HERC2: variants seen among roughly 807,000 people sequenced by gnomAD.
HERC2 encodes HECT and RLD domain containing E3 ubiquitin protein ligase 2.
A neutral mutation model predicts 537.7 loss-of-function variants in HERC2; 102 were observed. That is an observed-to-expected ratio of 0.19 (90% confidence interval 0.16 to 0.22). The LOEUF is 0.22. HERC2 is among the 10% of genes least tolerant of loss of function. The pLI is 1.00. For synonymous variants in HERC2, 2,224 were observed against 2,466.2 expected (o/e 0.90, Z 2.91); for missense variants, 4,236 against 6,198.2 (o/e 0.68, Z 10.63).
chr15:28,259,091 T>C (rs1567083180), intron 16 of HERC2, among the ~76,000 whole-genome samples: 1 of 152,146 alleles, frequency 6.6e-6, no homozygotes, highest in Admixed American at 6.5e-5. Flanking sequence ...AAATCTTTTT[T>C]TTGTTTGTTT....
Position 28,177,001 on chromosome 15 carries a change from C to G in HERC2, c.9381G>C (p.Glu3127Asp). 1 of 1,614,124 alleles carries G rather than the reference C, an allele frequency of 6.2e-7. No individual in the cohort carries two copies. The highest frequency in any genetic ancestry group is 8.5e-7 in the Non-Finnish European group (1 of 1,179,988). The change falls in exon 61 of 93, where the codon GAG becomes GAC. Residue 3127 changes from glutamate (E) to aspartate (D), a missense_variant. This residue lies in a region of HERC2 where 606 missense variants were observed against 884.5 expected (regional missense o/e 0.69). Transcript: ENST00000261609. This position sits in a 1 kb window ranked among gnomAD's most constrained non-coding sequence, Gnocchi z 5.0. ...SGELYTWGLG[E>D]YGRLGHGDNT... ...TATCCCCATGTCCCAGCCGGCCGTA[C>G]TCGCCGAGGCCCCAGGTGTACAGTT...
chr15:28,295,089 G>A (rs1377996371), intron 3 of HERC2, among the ~76,000 whole-genome samples: 1 of 152,026 alleles, frequency 6.6e-6, no homozygotes, highest in Non-Finnish European at 1.5e-5. Context: ...TTGTTAGAAT[G>A]GCTCAACTAA....
At chr15:28,248,469 G>A (rs1903936196) in intron 21 of HERC2, 83 bp downstream of exon 21, 2 of 977,052 alleles carry the variant, frequency 2.0e-6, no homozygotes, top group Admixed American at 2.1e-5. Flanking sequence ...ACACATCTGG[G>A]CATATAGGAT....
intron 23 of HERC2, among the ~76,000 whole-genome samples, chr15:28,244,738 T>C (rs1049233787): frequency 4.6e-5 from 7 of 152,136 alleles, no homozygotes; most frequent in Non-Finnish European, 5.9e-5. Flanking sequence ...GCTCAAAGTA[T>C]TGACTGTTTT....
intron 70 of HERC2, among the ~76,000 whole-genome samples, chr15:28,146,738 G>A (rs1332784180): frequency 1.3e-5 from 2 of 149,216 alleles, no homozygotes; most frequent in Non-Finnish European, 3.0e-5. Flanking sequence ...TGGAGGTGAG[G>A]AGCACCTCAA....
chr15:28,280,255 G>A lies in HERC2; in HGVS notation c.355C>T (p.Leu119=). The change falls in exon 5 of 93, where the codon CTG becomes TTG. Residue 119 remains leucine, a synonymous_variant. Coordinates refer to ENST00000261609, the MANE Select transcript of HERC2 (RefSeq NM_004667.6). ...GCCAGGGCCTGCTGCTCTTTAACCAGCACAGAAAGACACTCCTTCAGTTCA... is the reference window on the plus strand; with the variant it reads ...GCCAGGGCCTGCTGCTCTTTAACCAACACAGAAAGACACTCCTTCAGTTCA... ...VNELKECLSV[L]VKEQQALAVQ... The A allele has an allele frequency of 6.2e-7, 1 of 1,613,806 alleles. No individual in the cohort carries two copies. The highest frequency in any genetic ancestry group is 8.5e-7 in the Non-Finnish European group (1 of 1,179,894).
chr15:28,199,014 G>A (rs1378985171), intron 48 of HERC2, among the ~76,000 whole-genome samples: 3 of 152,068 alleles, frequency 2.0e-5, no homozygotes, highest in Admixed American at 6.5e-5. Flanking sequence ...AGACGTGGCG[G>A]TGCATGCCTG....
chr15:28,188,539 G>T (rs553932487), intron 55 of HERC2, among the ~76,000 whole-genome samples: 1 of 137,750 alleles, frequency 7.3e-6, no homozygotes, highest in East Asian at 2.0e-4. Context: ...GTGAGACTCC[G>T]TCTTAAAAAA....
rs375864233 is a variant in HERC2 at position 28,293,012 on chromosome 15, G to A, written c.198C>T (p.Val66=). The A allele has an allele frequency of 2.2e-5, 36 of 1,607,610 alleles. No individual in the cohort carries two copies. Among genetic ancestry groups the A allele is most frequent in the Admixed American group, 6.8e-5 (4 of 58,670 alleles). ...GELPPRKDDS[V]EPSGTKKEDL... ...CTTCTTTCTTTGTTCCACTTGGTTC[G>A]ACACTATCATCTGCAGAATTAAAAA... Residue 66 remains valine (V), a synonymous_variant, in exon 4 of 93, where the codon GTC becomes GTT. Transcript: ENST00000261609.
chr15:28,315,307 C>T (rs946098206), intron 2 of HERC2, among the ~76,000 whole-genome samples: 2 of 152,236 alleles, frequency 1.3e-5, no homozygotes, highest in Admixed American at 1.3e-4. Context: ...GTCACTGGCT[C>T]CTTGGTAGGC....
intron 69 of HERC2, among the ~76,000 whole-genome samples, chr15:28,159,593 A>G (rs977571235): frequency 5.3e-5 from 8 of 152,150 alleles, no homozygotes; most frequent in Non-Finnish European, 8.8e-5. Context: ...CAGCTCCTTT[A>G]AGGACTTCTC....
Position 28,268,663 on chromosome 15 carries a change from A to C in HERC2, c.1447-47T>G. ...GAAAAGTAGTCATCAGTCCAAGGAA[A>C]ATGAAACCAGCTCAGCTCTCCGTTA... On this transcript the variant is annotated intron_variant, in intron 11 of 92. Coordinates refer to ENST00000261609, the MANE Select transcript of HERC2 (RefSeq NM_004667.6). The surrounding 1 kb of genome is among the most constrained non-coding windows in gnomAD (Gnocchi z 4.7). 6.5e-7 allele frequency: 1 copy of C among 1,529,124 alleles called. No homozygotes were observed. Among genetic ancestry groups the C allele is most frequent in the Non-Finnish European group, 8.9e-7 (1 of 1,117,804 alleles). The allele number at this position is 1,529,124 out of a possible 1,614,324, so 94.7% of individuals were successfully genotyped here. A position where few individuals can be genotyped will look rare whatever the true frequency, so the allele number is the denominator to read the frequency against.
At chr15:28,290,974 A>C (rs2076293817) in intron 4 of HERC2, among the ~76,000 whole-genome samples, 1 of 152,220 alleles carries the variant, frequency 6.6e-6, no homozygotes. Flanking sequence ...AGAGTAAAGC[A>C]GAAATCAATG....
Position 28,123,963 on chromosome 15 carries a change from G to C in HERC2, c.13188+74C>G. ...CTGTATTCTATGTGTTCTATTCCCA[G>C]TATAGGAATTCTATTGGGTTACATG... On this transcript the variant is annotated intron_variant, in intron 85 of 92. Transcript: ENST00000261609. The C allele has an allele frequency of 4.1e-6, 5 of 1,219,502 alleles. No individual in the cohort carries two copies. In the South Asian group the frequency reaches 5.0e-5, roughly 12 times the overall value. 75.5% of individuals were successfully genotyped at this position (1,219,502 alleles called of 1,614,324 possible). A position where few individuals can be genotyped will look rare whatever the true frequency, so the allele number is the denominator to read the frequency against.
At chr15:28,309,038 T>A (rs142069556) in intron 2 of HERC2, among the ~76,000 whole-genome samples, 2 of 152,248 alleles carry the variant, frequency 1.3e-5, no homozygotes, top group African/African-American at 4.8e-5. Context: ...GCTTTTAGTA[T>A]CAAGGTTTGA....
rs1221353913 is a variant in HERC2, at chr15:28,141,534, T to G, written c.11913A>C (p.Ala3971=). 1 of 1,614,182 alleles carries G rather than the reference T, an allele frequency of 6.2e-7. No homozygotes were observed. Among genetic ancestry groups the G allele is most frequent in the East Asian group, 2.2e-5 (1 of 44,870 alleles). ...CACAGGGAGTGGGAACTTTGACTTT[T>G]GCGCCTTCAATGCCCCCGAGCTGGC... is the stretch of plus-strand genomic sequence containing the variant. ...HRGQLGGIEG[A]KVKVPTPCEA... The change falls in exon 78 of 93, where the codon GCA becomes GCC. Residue 3971 remains alanine, a synonymous_variant. Transcript: ENST00000261609.
intron 35 of HERC2, among the ~76,000 whole-genome samples, chr15:28,225,568 C>T (rs1160484289): frequency 5.9e-5 from 9 of 151,346 alleles, no homozygotes; most frequent in Non-Finnish European, 1.2e-4. Context: ...CGTGGTGGCG[C>T]GTGCCTGTAG....
chr15:28,301,785 T>A (rs1458818473), intron 2 of HERC2, among the ~76,000 whole-genome samples: 2 of 109,120 alleles, frequency 1.8e-5, no homozygotes, highest in Admixed American at 2.2e-4. Context: ...ATATATGGGT[T>A]ATATATTCTA....
At chr15:28,248,479 T>A (rs757676082) in intron 21 of HERC2, 73 bp downstream of exon 21, 29 of 1,127,502 alleles carry the variant, frequency 2.6e-5, no homozygotes, top group Admixed American at 7.5e-5. Context: ...GCATATAGGA[T>A]GGACACGTCG....
Sources: gnomAD v4.1 joint callset for allele counts (sites outside exome capture counted in the v4.1 genomes callset) on GRCh38, gnomAD v4.1.1 for gene constraint, gnomAD v4.1.1 regional missense constraint, Gnocchi (gnomAD v3.1) non-coding constraint, MANE v1.5 for transcripts, NCBI Gene and HGNC (gene_info 2026-07-23, HGNC 2026-07-21) for gene names.